Variants in TUBE1 observed in about 807,000 individuals in gnomAD.
TUBE1 encodes tubulin epsilon chain.
TUBE1 carries 34 observed loss-of-function variants against 53.5 expected under a neutral mutation model. The ratio of observed to expected loss-of-function variants is 0.64; its 90% CI spans 0.48 to 0.85. The LOEUF (loss-of-function observed/expected upper bound fraction) is 0.85. Ranked by LOEUF, TUBE1 falls within the 40% of genes least tolerant of loss-of-function variation. The probability of loss-of-function intolerance (pLI) is 0.00; values close to 1 mark genes in which losing one functional copy is unlikely to be tolerated. For missense variants in TUBE1, 532 were observed against 570.5 expected (o/e 0.93, Z 0.69); for synonymous variants, 177 against 198.4 (o/e 0.89, Z 0.91).
intron 4 of TUBE1, among the ~76,000 whole-genome samples, chr6:112,081,863 C>CT (rs1341232132): frequency 3.3e-5 from 5 of 150,988 alleles, no homozygotes; most frequent in Admixed American, 1.3e-4. Flanking sequence ...GCAGGGATAG[C>CT]TTGGCAGTAG....
chr6:112,081,747 A>G (rs948603221), intron 4 of TUBE1, among the ~76,000 whole-genome samples: 3 of 151,978 alleles, frequency 2.0e-5, no homozygotes, highest in Admixed American at 2.0e-4. Context: ...ACATGACAGA[A>G]AACATACACT....
Position 112,076,069 on chromosome 6 carries a change from G to A in TUBE1, c.680C>T (p.Ser227Phe), listed in dbSNP as rs1374214894. Residue 227 changes from serine (S) to phenylalanine (F), a missense_variant, in exon 8 of 12, where the codon TCT (serine) becomes TTT (phenylalanine). Coordinates refer to ENST00000368662, the MANE Select transcript of TUBE1 (RefSeq NM_016262.5). ...CTTCACAGTTGTACCCAACTTTCCA[G>A]AATTCACCATGAGGTCGATTTTGCT... ...IISKIDLMVN[S>F]GKLGTTVKPK... The A allele has an allele frequency of 6.2e-7, 1 of 1,613,302 alleles. No individual in the cohort carries two copies. The highest frequency in any genetic ancestry group is 1.3e-5 in the African/African-American group (1 of 74,860).
At chr6:112,087,006 A>G in intron 2 of TUBE1, 1 of 562,072 alleles carries the variant, frequency 1.8e-6, no homozygotes, top group South Asian at 2.4e-5. Context: ...ACCAATAAAG[A>G]GGAGACCCTG....
chr6:112,086,396 A>G (rs376262016), intron 3 of TUBE1, among the ~76,000 whole-genome samples, 160 bp downstream of exon 3: 5 of 152,354 alleles, frequency 3.3e-5, no homozygotes, highest in South Asian at 2.1e-4. Context: ...GGAAAATGAT[A>G]TAAGAATATT....
At chr6:112,083,377 G>A (rs1777100161) in intron 4 of TUBE1, among the ~76,000 whole-genome samples, 1 of 150,430 alleles carries the variant, frequency 6.6e-6, no homozygotes, top group African/African-American at 2.5e-5. Flanking sequence ...GGATGCAGTG[G>A]CGCGATCTCG....
At chr6:112,075,015 A>G in intron 8 of TUBE1, 165 bp from the exon 9 acceptor site, 1 of 370,778 alleles carries the variant, frequency 2.7e-6, no homozygotes, top group East Asian at 4.1e-5. Flanking sequence ...GTATCAGAAC[A>G]ATCATGTATA....
intron 9 of TUBE1, 84 bp from the exon 10 acceptor site, chr6:112,072,982 G>A (rs1776895961): frequency 1.6e-6 from 2 of 1,269,294 alleles, no homozygotes; most frequent in African/African-American, 1.5e-5. Context: ...TCCTCTATAA[G>A]TAAGAAACCA....
Position 112,087,276 on chromosome 6 carries a change from C to A in TUBE1, c.56G>T (p.Cys19Phe). Reference sequence around the variant, plus strand: ...CTCCCTTAGTGCCAGGTCCCAGAAGCAGCAGCCGATCTGGTTTCCGCACTG... The same window carrying A: ...CTCCCTTAGTGCCAGGTCCCAGAAGAAGCAGCCGATCTGGTTTCCGCACTG... ...VGQCGNQIGC[C>F]FWDLALREHA... is the part of the protein sequence containing the mutation. The change falls in exon 2 of 12, where the codon TGC (cysteine) becomes TTC (phenylalanine). Residue 19 changes from cysteine to phenylalanine, a missense_variant. By Grantham distance (205) the Cys-to-Phe change is radical (BLOSUM62 -2). Transcript: ENST00000368662. 6.4e-7 allele frequency: 1 copy of A among 1,552,074 alleles called. No homozygotes were observed.
intron 4 of TUBE1, chr6:112,083,910 G>A: frequency 1.1e-5 from 4 of 356,990 alleles, no homozygotes; most frequent in Non-Finnish European, 2.0e-5. Flanking sequence ...GTACTAGTAC[G>A]TATTTCAGGT....
In TUBE1 at chr6:112,087,471, G is replaced by C; in HGVS notation, c.-37C>G. On this transcript the variant is annotated 5_prime_UTR_variant, in exon 1 of 12. Transcript: ENST00000368662. ...GCCGGCTCCGGGAGCTTGCTAGCCCGCGGCCGCTTCTGCATTCCCCCAGCA... is the reference window on the plus strand; with the variant it reads ...GCCGGCTCCGGGAGCTTGCTAGCCCCCGGCCGCTTCTGCATTCCCCCAGCA... 1 of 1,547,922 alleles carries C rather than the reference G, an allele frequency of 6.5e-7. No individual in the cohort carries two copies. Among genetic ancestry groups the C allele is most frequent in the East Asian group, 2.4e-5 (1 of 40,852 alleles).
At chr6:112,082,362 A>G (rs1022765081) in intron 4 of TUBE1, among the ~76,000 whole-genome samples, 9 of 152,202 alleles carry the variant, frequency 5.9e-5, no homozygotes, top group African/African-American at 2.2e-4. Flanking sequence ...ACTTCACTGT[A>G]TGGGCAAATT....
In TUBE1 at chr6:112,074,598, C is replaced by A. The variant is rs1419549972; in HGVS notation, c.953+112G>T. On this transcript the variant is annotated intron_variant, in intron 9 of 11. Transcript: ENST00000368662. ...CAAAAATGGATGTCATCAACTCTCA[C>A]AGATAAGATGATACAATTAAATAAC... The A allele has an allele frequency of 1.1e-5, 8 of 718,698 alleles. No homozygotes were observed. In the African/African-American group the frequency reaches 1.5e-4, roughly 13 times the overall value. The allele number at this position is 718,698 out of a possible 1,614,324, so 44.5% of individuals were successfully genotyped here.
At position 112,085,974 on chromosome 6, in the gene TUBE1, C is replaced by T. The variant is rs587762585; in HGVS notation, c.152+582G>A. Among the ~76,000 whole-genome samples, 8 of 152,276 alleles carry T rather than the reference C, an allele frequency of 5.3e-5. No homozygotes were observed. In the South Asian group the frequency reaches 1.7e-3, roughly 32 times the overall value. Reference sequence around the variant, plus strand: ...ACTATTTTAAACTAGAACTGATGTTCCTATTGGATTAAAGCCTGACACGAA... The same window carrying T: ...ACTATTTTAAACTAGAACTGATGTTTCTATTGGATTAAAGCCTGACACGAA... On this transcript the variant is annotated intron_variant, in intron 3 of 11. Coordinates refer to ENST00000368662, the MANE Select transcript of TUBE1 (RefSeq NM_016262.5).
At chr6:112,083,804 T>G (rs1554317043) in intron 4 of TUBE1, 1 of 167,044 alleles carries the variant, frequency 6.0e-6, no homozygotes, top group East Asian at 1.7e-4. Context: ...GGTGAATGGT[T>G]TTTATTCACT....
In TUBE1 at chr6:112,075,064, CTTTCT is replaced by C. The variant is rs1307012606; in HGVS notation, c.813-219_813-215del. Reference sequence around the variant, plus strand: ...CACACAACATCTACATTTTTTTTTTCTTTCTTTTTTTTTTTTTTTTGAGACAGGGT... The same window carrying C: ...CACACAACATCTACATTTTTTTTTTCTTTTTTTTTTTTTTTGAGACAGGGT... On this transcript the variant is annotated intron_variant, in intron 8 of 11. Transcript: ENST00000368662. The C allele has an allele frequency of 8.1e-4, 134 of 165,214 alleles. 2 individuals are homozygous for C. Among genetic ancestry groups the C allele is most frequent in the African/African-American group, 1.5e-3 (47 of 30,766 alleles). 10.2% of individuals were successfully genotyped at this position (165,214 alleles called of 1,614,324 possible). A position where few individuals can be genotyped will look rare whatever the true frequency, so the allele number is the denominator to read the frequency against.
intron 9 of TUBE1, among the ~76,000 whole-genome samples, chr6:112,073,194 T>C (rs1051943311): frequency 4.6e-5 from 7 of 152,142 alleles, no homozygotes; most frequent in Non-Finnish European, 1.0e-4. Flanking sequence ...ATGAACTCTA[T>C]GTAGTACTGA....
chr6:112,075,826 A>C (rs974717050), intron 8 of TUBE1, 111 bp downstream of exon 8: 2 of 1,021,784 alleles, frequency 2.0e-6, no homozygotes, highest in African/African-American at 3.2e-5. Flanking sequence ...AGACAAAATA[A>C]AAACAGAAGC....
intron 6 of TUBE1, chr6:112,079,417 A>C: frequency 2.6e-6 from 1 of 388,518 alleles, no homozygotes; most frequent in Non-Finnish European, 4.4e-6. Flanking sequence ...AAGAGGGCTT[A>C]CATTAAAAAA....
At chr6:112,079,884 T>A (rs1554316530) in intron 5 of TUBE1, 130 bp from the exon 6 acceptor site, 1 of 838,756 alleles carries the variant, frequency 1.2e-6, no homozygotes, top group Non-Finnish European at 1.8e-6. Flanking sequence ...AGTCTATTCT[T>A]GTTTCATGTA....
Sources: allele counts gnomAD v4.1 joint callset (sites outside exome capture counted in the v4.1 genomes callset), GRCh38; gene constraint gnomAD v4.1.1; transcripts MANE v1.5; gene names NCBI Gene and HGNC (gene_info 2026-07-23, HGNC 2026-07-21).